The following ARHGEF17 variants were observed in gnomAD, a reference collection of about 807,000 sequenced individuals.
ARHGEF17 encodes the protein Rho guanine nucleotide exchange factor 17.
A neutral mutation model predicts 174.0 loss-of-function variants in ARHGEF17; 80 were observed. That is an observed-to-expected ratio of 0.46 (90% CI 0.38 to 0.55). The LOEUF (loss-of-function observed/expected upper bound fraction) is 0.55, where lower values mean the gene tolerates loss of function less well. Ranked by LOEUF, ARHGEF17 falls within the 20% of genes least tolerant of loss-of-function variation. ARHGEF17 has a pLI of 0.00. For missense variants in ARHGEF17, 2,886 were observed against 2,839.7 expected, an observed-to-expected ratio of 1.02 and a Z score of -0.37; for synonymous variants, 1,311 against 1,189.1, an observed-to-expected ratio of 1.10 and a Z score of -2.11.
intron 1 of ARHGEF17, among the ~76,000 whole-genome samples, chr11:73,326,881 C>T (rs1026001917): frequency 6.6e-6 from 1 of 152,126 alleles, no homozygotes; most frequent in Non-Finnish European, 1.5e-5. Context: ...CATGTATTTC[C>T]ATGGAGCTTT....
chr11:73,335,190 C>T (rs1789671004), intron 1 of ARHGEF17, among the ~76,000 whole-genome samples: 1 of 152,116 alleles, frequency 6.6e-6, no homozygotes, highest in Non-Finnish European at 1.5e-5. Context: ...TCCTACCTAC[C>T]CTAAGGCCTC....
At position 73,362,033 on chromosome 11, in the gene ARHGEF17, C is replaced by T; in HGVS notation, c.4495-7C>T. 6.2e-7 allele frequency: 1 copy of T among 1,609,898 alleles called. No homozygotes were observed. The highest frequency in any genetic ancestry group is 8.5e-7 in the Non-Finnish European group (1 of 1,177,632). On this transcript the variant is annotated splice_region_variant and splice_polypyrimidine_tract_variant and intron_variant, in intron 12 of 20. Transcript: ENST00000263674. Reference sequence around the variant, plus strand: ...CACCTTCTCCTGTCCATTGGCGCCTCCTGCAGTTCTCCTGTGCGGCTCCCA... The same window carrying T: ...CACCTTCTCCTGTCCATTGGCGCCTTCTGCAGTTCTCCTGTGCGGCTCCCA...
intron 1 of ARHGEF17, among the ~76,000 whole-genome samples, chr11:73,335,000 A>G (rs1865264194): frequency 6.6e-6 from 1 of 152,190 alleles, no homozygotes; most frequent in South Asian, 2.1e-4. Flanking sequence ...AGTGTTAGAC[A>G]TTTTGAATGA....
chr11:73,312,761 C>G (rs1021710997), intron 1 of ARHGEF17, among the ~76,000 whole-genome samples: 3 of 151,938 alleles, frequency 2.0e-5, no homozygotes, highest in Non-Finnish European at 4.4e-5. Context: ...ATCCTGTCTG[C>G]TTGCATCTTT....
chr11:73,363,972 GCTGTGCCTCTTACACA>G, intron 16 of ARHGEF17, 139 bp downstream of exon 16: 2 of 1,110,068 alleles, frequency 1.8e-6, no homozygotes, highest in East Asian at 4.9e-5. Flanking sequence ...CCCTAGGCTA[GCTGTGCCTCTTACACA>G]CTGTGTGAGC....
intron 1 of ARHGEF17, among the ~76,000 whole-genome samples, chr11:73,341,176 A>G (rs1341134730): frequency 6.6e-6 from 1 of 152,248 alleles, no homozygotes; most frequent in Non-Finnish European, 1.5e-5. Context: ...ACGAACTGCC[A>G]TACATGGTTA....
In ARHGEF17 at chr11:73,346,895, C is replaced by T; in HGVS notation, c.3205C>T (p.His1069Tyr). 6.6e-7 allele frequency: 1 copy of T among 1,506,668 alleles called. No homozygotes were observed. The highest frequency in any genetic ancestry group is 8.9e-7 in the Non-Finnish European group (1 of 1,121,782). The allele number at this position is 1,506,668 out of a possible 1,614,324, so 93.3% of individuals were successfully genotyped here. ...CSKPQVDMRK[H>Y]VAMTLLDTEQ... ...CCTGTCCCCACAGGACATGCGGAAG[C>T]ACGTGGCCATGACCCTGCTGGACAC... Residue 1069 changes from histidine (H) to tyrosine (Y), a missense_variant, in exon 2 of 21, where the codon CAC becomes TAC. By Grantham distance (83) the His-to-Tyr change is moderately conservative (BLOSUM62 2). This residue lies in a region of ARHGEF17 where 353 missense variants were observed against 470.3 expected (regional missense o/e 0.75). Coordinates refer to ENST00000263674, the MANE Select transcript of ARHGEF17 (RefSeq NM_014786.4).
rs762172008 is a variant in ARHGEF17 at position 73,309,716 on chromosome 11, C to G, written c.1078C>G (p.Arg360Gly). 4.3e-6 allele frequency: 7 copies of G among 1,612,756 alleles called. No individual in the cohort carries two copies. The highest frequency in any genetic ancestry group is 1.6e-4 in the Middle Eastern group (1 of 6,082). ...PCVPGPQEGL[R>G]PMSDSVGGAF... is the part of the protein sequence containing the mutation. Reference sequence around the variant, plus strand: ...CGTCCCAGGTCCCCAGGAGGGACTTCGGCCTATGTCTGACTCTGTGGGAGG... The same window carrying G: ...CGTCCCAGGTCCCCAGGAGGGACTTGGGCCTATGTCTGACTCTGTGGGAGG... Residue 360 changes from arginine (R) to glycine (G), a missense_variant, in exon 1 of 21, where the codon CGG (arginine) becomes GGG (glycine). Physicochemically the swap from Arg to Gly is moderately radical, Grantham distance 125. This residue lies in a region of ARHGEF17 where 1,728 missense variants were observed against 1,461.2 expected (regional missense o/e 1.18). Transcript: ENST00000263674.
intron 1 of ARHGEF17, among the ~76,000 whole-genome samples, chr11:73,313,543 C>T (rs529338173): frequency 6.6e-6 from 1 of 152,338 alleles, no homozygotes; most frequent in African/African-American, 2.4e-5. Flanking sequence ...CACCTCCCTT[C>T]ACATTCTCCT....
At chr11:73,356,657 G>A (rs1865646761) in intron 6 of ARHGEF17, 52 bp from the exon 7 acceptor site, 1 of 1,610,326 alleles carries the variant, frequency 6.2e-7, no homozygotes, top group Non-Finnish European at 8.5e-7. Context: ...TTTTGGAGGG[G>A]ATAGGGATTA....
At chr11:73,336,522 T>C (rs768920213) in intron 1 of ARHGEF17, among the ~76,000 whole-genome samples, 9 of 152,298 alleles carry the variant, frequency 5.9e-5, no homozygotes, top group Non-Finnish European at 1.0e-4. Flanking sequence ...GGCTACCACC[T>C]CCATCCTCCT....
rs144268896 is a variant in ARHGEF17 at position 73,343,287 on chromosome 11, G to C, written c.3193-3596G>C. On this transcript the variant is annotated intron_variant, in intron 1 of 20. Transcript: ENST00000263674. Reference sequence around the variant, plus strand: ...GCCTGGGGAGGCCCAGGTACGGGGAGGGGGAGGGGCAGCCAGGGACCTGGG... The same window carrying C: ...GCCTGGGGAGGCCCAGGTACGGGGACGGGGAGGGGCAGCCAGGGACCTGGG... The C allele has an allele frequency of 5.1e-4, 203 of 398,166 alleles. 2 individuals are homozygous for C. In the Admixed American group the frequency reaches 6.9e-3, roughly 14 times the overall value. 24.7% of individuals were successfully genotyped at this position (398,166 alleles called of 1,614,324 possible).
chr11:73,364,387 CA>C, intron 17 of ARHGEF17, 64 bp from the exon 18 acceptor site: 2 of 1,610,478 alleles, frequency 1.2e-6, no homozygotes. Context: ...CATCTCATTT[CA>C]GGGGAGACCG....
intron 15 of ARHGEF17, 42 bp downstream of exon 15, chr11:73,363,497 T>C (rs764657070): frequency 7.0e-6 from 11 of 1,580,584 alleles, no homozygotes; most frequent in Non-Finnish European, 9.5e-6. Context: ...GCCAGAACTC[T>C]GAGCTCCCTG....
chr11:73,310,820 G>A lies in ARHGEF17; in HGVS notation c.2182G>A (p.Gly728Arg). The A allele has an allele frequency of 1.9e-6, 3 of 1,612,108 alleles. No homozygotes were observed. The highest frequency in any genetic ancestry group is 2.2e-5 in the East Asian group (1 of 44,860). ...GAGCGAATTGAGCAATGGGGAGGCA[G>A]GGGAGGCCTACAGGTCCCTGAGTGA... ...GGSELSNGEA[G>R]EAYRSLSDPI... The change falls in exon 1 of 21, where the codon GGG (glycine) becomes AGG (arginine). Residue 728 changes from glycine (G) to arginine (R), a missense_variant. Transcript: ENST00000263674.
intron 1 of ARHGEF17, among the ~76,000 whole-genome samples, chr11:73,330,171 C>A (rs905010651): frequency 6.6e-6 from 1 of 152,086 alleles, no homozygotes; most frequent in African/African-American, 2.4e-5. Context: ...GAAGTTAGTT[C>A]TTTGTCTGGC....
chr11:73,360,443 G>A lies in ARHGEF17; in HGVS notation c.4330G>A (p.Glu1444Lys), dbSNP rs780003467. ...TKLELCATRP[E>K]GTDSYIFEFP... ...GCTGGAGCTGTGCGCCACTCGGCCC[G>A]AGGGCACCGACTCCTACATTTTTGA... is the stretch of plus-strand genomic sequence containing the variant. The change falls in exon 11 of 21, where the codon GAG becomes AAG. Residue 1444 changes from glutamate (E) to lysine (K), a missense_variant. Glu to Lys is a moderately conservative substitution (Grantham distance 56, BLOSUM62 1). Transcript: ENST00000263674. The A allele has an allele frequency of 8.1e-6, 13 of 1,614,050 alleles. No homozygotes were observed. Among genetic ancestry groups the A allele is most frequent in the East Asian group, 2.2e-5 (1 of 44,878 alleles).
At chr11:73,342,393 G>T (rs1393425159) in intron 1 of ARHGEF17, among the ~76,000 whole-genome samples, 1 of 152,132 alleles carries the variant, frequency 6.6e-6, no homozygotes, top group African/African-American at 2.4e-5. Flanking sequence ...ATGTGTATGT[G>T]TGCACATCTC....
chr11:73,329,873 T>A (rs944668330), intron 1 of ARHGEF17, among the ~76,000 whole-genome samples: 7 of 152,202 alleles, frequency 4.6e-5, no homozygotes, highest in African/African-American at 1.7e-4. Flanking sequence ...GTAAATGTGA[T>A]TCTCATTTTG....
Sources: gnomAD v4.1 joint callset for allele counts (sites outside exome capture counted in the v4.1 genomes callset) on GRCh38, gnomAD v4.1.1 for gene constraint, gnomAD v4.1.1 regional missense constraint, MANE v1.5 for transcripts, NCBI Gene and HGNC (gene_info 2026-07-23, HGNC 2026-07-21) for gene names.